VPS13A: variants seen among roughly 807,000 people sequenced by gnomAD.
VPS13A encodes vacuolar protein sorting 13 homolog A.
Under a neutral mutation model 390.9 loss-of-function variants are expected in VPS13A, and 264 were observed. The observed-to-expected ratio is 0.68, with a 90% CI of 0.61 to 0.75. The LOEUF (loss-of-function observed/expected upper bound fraction) is 0.75. VPS13A is among the 30% of genes least tolerant of loss of function. The pLI is 0.00. For synonymous variants in VPS13A, 1,231 were observed against 1,227.1 expected, an observed-to-expected ratio of 1.00 and a Z score of -0.07; for missense variants, 3,409 against 3,733.9, an observed-to-expected ratio of 0.91 and a Z score of 2.27.
In VPS13A at chr9:77,366,796, A is replaced by G. The variant is rs566242673; in HGVS notation, c.8395A>G (p.Ile2799Val). The G allele has an allele frequency of 2.2e-5, 35 of 1,613,322 alleles. No individual in the cohort carries two copies. The South Asian group carries it at 3.7e-4, about 17-fold the overall frequency. Residue 2799 changes from isoleucine to valine, a missense_variant, in exon 61 of 72, where the codon ATT becomes GTT. Physicochemically the swap from Ile to Val is conservative, Grantham distance 29. Around this residue, in one of 5 missense-constraint regions of VPS13A, gnomAD observed 123 missense variants for 118.7 expected, o/e 1.04. Coordinates refer to ENST00000360280, the MANE Select transcript of VPS13A (RefSeq NM_033305.3). ...AGATTCAAAACAAAATGGAGGACTG[A>G]TTCCAGTTCATTCTTTAAATCTTTT... ...AKDSKQNGGLIPVHSLNLLLK... is the reference protein window; with the variant it reads ...AKDSKQNGGLVPVHSLNLLLK...
intron 33 of VPS13A, among the ~76,000 whole-genome samples, chr9:77,296,769 C>T (rs1828026067): frequency 6.6e-6 from 1 of 152,238 alleles, no homozygotes; most frequent in South Asian, 2.1e-4. Context: ...GTAGAATTTA[C>T]CAGCGAAGCC....
rs1393392826 is a variant in VPS13A, at chr9:77,282,131, C to T, written c.2975C>T (p.Ser992Phe). The change falls in exon 29 of 72, where the codon TCC (serine) becomes TTC (phenylalanine). Residue 992 changes from serine (S) to phenylalanine (F), a missense_variant. Physicochemically the swap from Ser to Phe is radical, Grantham distance 155. Around this residue, in one of 5 missense-constraint regions of VPS13A, gnomAD observed 2,717 missense variants for 2,917.4 expected, o/e 0.93. Coordinates refer to ENST00000360280, the MANE Select transcript of VPS13A (RefSeq NM_033305.3). ...AGCTTTGTTCTTTAGGTAAATTTTT[C>T]CTCTTTGGATATTCATTTACACACT... ...NVLQLIKVNF[S>F]SLDIHLHTEA... 3 of 1,613,108 alleles carry T rather than the reference C, an allele frequency of 1.9e-6. No individual in the cohort carries two copies. Among genetic ancestry groups the T allele is most frequent in the Non-Finnish European group, 2.5e-6 (3 of 1,179,572 alleles).
At chr9:77,316,144 A>C in intron 38 of VPS13A, 30 bp from the exon 39 acceptor site, 1 of 1,340,750 alleles carries the variant, frequency 7.5e-7, no homozygotes, top group Non-Finnish European at 1.0e-6. Flanking sequence ...ATATATAGCA[A>C]ATATTTTAAT....
In VPS13A at chr9:77,332,334, T is replaced by C. The variant is rs1027558730; in HGVS notation, c.6095+221T>C. 8.5e-5 allele frequency among the ~76,000 whole-genome samples: 13 copies of C among 152,134 alleles called. No individual in the cohort carries two copies. In the South Asian group the frequency reaches 2.7e-3, roughly 32 times the overall value. On this transcript the variant is annotated intron_variant, in intron 46 of 71. Coordinates refer to ENST00000360280, the MANE Select transcript of VPS13A (RefSeq NM_033305.3). ...TGCTTTTCTCTTAAATATAATTATA[T>C]TTTGATTGCAATATAACCGTCATAA...
chr9:77,348,014 C>T (rs548671449), intron 52 of VPS13A, among the ~76,000 whole-genome samples: 4 of 152,240 alleles, frequency 2.6e-5, no homozygotes, highest in African/African-American at 9.6e-5. Context: ...AACGCTTTTA[C>T]ACTGTTGCTG....
Position 77,339,929 on chromosome 9 carries a change from T to C in VPS13A, c.6774+18T>C. ...ACAATAAGGTATGCGATGTTTATTC[T>C]GTTTTTCCCTTGTCTTTAGCTACTT... On this transcript the variant is annotated intron_variant, in intron 48 of 71. Coordinates refer to ENST00000360280, the MANE Select transcript of VPS13A (RefSeq NM_033305.3). The C allele has an allele frequency of 6.2e-7, 1 of 1,605,642 alleles. No homozygotes were observed. The highest frequency in any genetic ancestry group is 8.5e-7 in the Non-Finnish European group (1 of 1,179,346).
In VPS13A at chr9:77,370,586, A is replaced by G. The variant is rs1832694368; in HGVS notation, c.8907+8A>G. 2 of 1,613,962 alleles carry G rather than the reference A, an allele frequency of 1.2e-6. No individual in the cohort carries two copies. Among genetic ancestry groups the G allele is most frequent in the East Asian group, 4.5e-5 (2 of 44,888 alleles). On this transcript the variant is annotated splice_region_variant and intron_variant, in intron 65 of 71. Coordinates refer to ENST00000360280, the MANE Select transcript of VPS13A (RefSeq NM_033305.3). ...GGAAAAGGCTTAGTTTCTGTAAGAA[A>G]TTTCACAGGGTTGTGAAGATTTTGG...
chr9:77,404,408 T>C (rs1359916675), intron 69 of VPS13A, among the ~76,000 whole-genome samples: 1 of 152,210 alleles, frequency 6.6e-6, no homozygotes, highest in African/African-American at 2.4e-5. Context: ...AATTCCTGCC[T>C]AATATTTATT....
intron 25 of VPS13A, 43 bp downstream of exon 25, chr9:77,275,695 G>C (rs568868887): frequency 6.3e-7 from 1 of 1,589,124 alleles, no homozygotes; most frequent in South Asian, 1.1e-5. Flanking sequence ...TTTGTTTGCT[G>C]TTTCTATATT....
At chr9:77,214,419 T>TAC in intron 10 of VPS13A, 33 bp downstream of exon 10, 4 of 1,558,542 alleles carry the variant, frequency 2.6e-6, no homozygotes, top group Non-Finnish European at 3.5e-6. Context: ...AAAAAGTAGT[T>TAC]AAAGTAATTG....
intron 41 of VPS13A, among the ~76,000 whole-genome samples, chr9:77,318,803 A>G (rs17063533): frequency 1.3e-5 from 2 of 152,178 alleles, no homozygotes; most frequent in East Asian, 1.9e-4. Flanking sequence ...TTTAAAGTAC[A>G]TGTCCACATT....
rs1835216648 is a variant in VPS13A, at chr9:77,417,827, T to C, written c.*1821T>C. 6.6e-6 allele frequency: 1 copy of C among 152,170 alleles called. No homozygotes were observed. The highest frequency in any genetic ancestry group is 1.5e-5 in the Non-Finnish European group (1 of 68,026). The allele number at this position is 152,170 out of a possible 1,614,324, so 9.4% of individuals were successfully genotyped here. A position where few individuals can be genotyped will look rare whatever the true frequency, so the allele number is the denominator to read the frequency against. On this transcript the variant is annotated 3_prime_UTR_variant, in exon 72 of 72. Transcript: ENST00000360280. Reference sequence around the variant, plus strand: ...TGGCAGCCAGCAGGAGTGGGTCTTGTGACTAATCCACATGGAAAGGATAGT... The same window carrying C: ...TGGCAGCCAGCAGGAGTGGGTCTTGCGACTAATCCACATGGAAAGGATAGT...
At chr9:77,362,470 C>T (rs7861647) in intron 59 of VPS13A, among the ~76,000 whole-genome samples, 28,659 of 152,172 alleles carry the variant, frequency 0.19, 2,872 homozygotes, top group Middle Eastern at 0.25. Flanking sequence ...TTTATTCCGT[C>T]GATCTGTGCA....
At position 77,293,439 on chromosome 9, in the gene VPS13A, C is replaced by T; in HGVS notation, c.3438C>T (p.Asp1146=). 6.2e-7 allele frequency: 1 copy of T among 1,609,120 alleles called. No individual in the cohort carries two copies. The highest frequency in any genetic ancestry group is 8.5e-7 in the Non-Finnish European group (1 of 1,177,822). ...GSAYTDMNVV[D]IQVNLIVGCI... ...CATACACAGATATGAATGTGGTTGA[C>T]ATTCAGGTTAATTTAATAGTTGGTT... is the stretch of plus-strand genomic sequence containing the variant. The change falls in exon 32 of 72, where the codon GAC becomes GAT. Residue 1146 remains aspartate, a synonymous_variant. Coordinates refer to ENST00000360280, the MANE Select transcript of VPS13A (RefSeq NM_033305.3).
chr9:77,419,563 T>G lies in VPS13A; in HGVS notation c.*3557T>G, dbSNP rs1396265296. The stretch of plus-strand genomic sequence containing the variant: ...TAGAGATGCTTAGCACTTCTTCTTT[T>G]GAGTGAGAAGATGGAATCACTCTTG... On this transcript the variant is annotated 3_prime_UTR_variant, in exon 72 of 72. Coordinates refer to ENST00000360280, the MANE Select transcript of VPS13A (RefSeq NM_033305.3). The G allele has an allele frequency of 6.6e-6, 1 of 152,224 alleles. No homozygotes were observed. Among genetic ancestry groups the G allele is most frequent in the African/African-American group, 2.4e-5 (1 of 41,470 alleles). 9.4% of individuals were successfully genotyped at this position (152,224 alleles called of 1,614,324 possible).
rs1009134430 is a variant in VPS13A, at chr9:77,418,285, T to C, written c.*2279T>C. 1 of 152,190 alleles carries C rather than the reference T, an allele frequency of 6.6e-6. No individual in the cohort carries two copies. Among genetic ancestry groups the C allele is most frequent in the Middle Eastern group, 3.2e-3 (1 of 316 alleles). The allele number at this position is 152,190 out of a possible 1,614,324, so 9.4% of individuals were successfully genotyped here. The stretch of plus-strand genomic sequence containing the variant: ...GGTGTTGAGTCTTGTGCCCCTTCCA[T>C]GTATTATTTGCTAACTAACTATATT... On this transcript the variant is annotated 3_prime_UTR_variant, in exon 72 of 72. Transcript: ENST00000360280.
chr9:77,263,828 T>C (rs988686356), intron 23 of VPS13A, among the ~76,000 whole-genome samples: 2 of 152,238 alleles, frequency 1.3e-5, no homozygotes, highest in African/African-American at 4.8e-5. Context: ...CCCATTCCTG[T>C]ATCCTGAATG....
At chr9:77,399,197 A>C (rs7049206) in intron 68 of VPS13A, among the ~76,000 whole-genome samples, 27,054 of 114,166 alleles carry the variant, frequency 0.24, 2,544 homozygotes, top group Middle Eastern at 0.31. Context: ...AAAAAAAAAA[A>C]AAAAAAAACA....
intron 68 of VPS13A, 60 bp from the exon 69 acceptor site, chr9:77,403,176 T>G (rs1449964526): frequency 1.4e-5 from 17 of 1,229,170 alleles, no homozygotes; most frequent in Non-Finnish European, 2.0e-5. Flanking sequence ...TAAGGCATTG[T>G]TTGCATTACA....
Sources: allele counts gnomAD v4.1 joint callset (sites outside exome capture counted in the v4.1 genomes callset), GRCh38; gene constraint gnomAD v4.1.1; regional missense constraint gnomAD v4.1.1; transcripts MANE v1.5; gene names NCBI Gene and HGNC (gene_info 2026-07-23, HGNC 2026-07-21).